The following ANKRD11 variants were observed in gnomAD, a reference collection of about 807,000 sequenced individuals.
The protein encoded by ANKRD11 is ankyrin repeat domain 11.
Under a neutral mutation model 195.7 loss-of-function variants are expected in ANKRD11, and 17 were observed. The observed-to-expected ratio is 0.09, with a 90% CI of 0.06 to 0.13. The LOEUF (loss-of-function observed/expected upper bound fraction) is 0.13, where lower values mean the gene tolerates loss of function less well. ANKRD11 is among the 10% of genes least tolerant of loss of function. The pLI, the probability that ANKRD11 is intolerant of heterozygous loss-of-function variation, is 1.00. For missense variants in ANKRD11, 3,735 were observed against 3,566.1 expected (o/e 1.05, Z -1.21); for synonymous variants, 1,953 against 1,528.1 (o/e 1.28, Z -6.49).
chr16:89,338,412 C>G (rs2038484664), intron 2 of ANKRD11, among the ~76,000 whole-genome samples: 2 of 132,680 alleles, frequency 1.5e-5, no homozygotes, highest in South Asian at 4.9e-4. Flanking sequence ...CTGTACTTAA[C>G]ATACACTCTG....
intron 2 of ANKRD11, among the ~76,000 whole-genome samples, chr16:89,410,722 T>A (rs1200673025): frequency 6.6e-6 from 1 of 152,262 alleles, no homozygotes; most frequent in Non-Finnish European, 1.5e-5. Context: ...CCAAAAGCTA[T>A]GAAAGCATCC....
At position 89,373,732 on chromosome 16, in the gene ANKRD11, C is replaced by T. The variant is rs544492894; in HGVS notation, c.-60+44552G>A. Among the ~76,000 whole-genome samples the T allele has an allele frequency of 4.5e-4, 69 of 152,350 alleles. 2 individuals are homozygous for T. Among genetic ancestry groups the T allele is most frequent in the Admixed American group, 4.5e-3 (69 of 15,304 alleles). On this transcript the variant is annotated intron_variant, in intron 2 of 12. Coordinates refer to ENST00000301030, the MANE Select transcript of ANKRD11 (RefSeq NM_013275.6). ...TGCAGACACAACCCCACGCGGGAGG[C>T]ATGCACACGACACCCCTCCCACACC...
At chr16:89,480,926 G>T (rs2057424794) in intron 1 of ANKRD11, among the ~76,000 whole-genome samples, 1 of 152,096 alleles carries the variant, frequency 6.6e-6, no homozygotes, top group Admixed American at 6.6e-5. Context: ...TCTCCCTCCA[G>T]AATGTGGGCA....
Position 89,441,611 on chromosome 16 carries a change from C to CA in ANKRD11, c.-144-23244dup, listed in dbSNP as rs1207069880. On this transcript the variant is annotated intron_variant, in intron 1 of 12. Coordinates refer to ENST00000301030, the MANE Select transcript of ANKRD11 (RefSeq NM_013275.6). The stretch of plus-strand genomic sequence containing the variant: ...TAAAACCCCACCTCTACTAAAAATA[C>CA]AAAAAATTAGCTGGGTGTGGTGGTG... Among the ~76,000 whole-genome samples the CA allele has an allele frequency of 1.2e-4, 18 of 150,924 alleles. No individual in the cohort carries two copies. The East Asian group carries it at 1.6e-3, about 13-fold the overall frequency.
chr16:89,316,538 T>C (rs529222082), intron 3 of ANKRD11, among the ~76,000 whole-genome samples: 2 of 152,286 alleles, frequency 1.3e-5, no homozygotes, highest in South Asian at 4.2e-4. Context: ...CATTTTCCTA[T>C]TCACATTTAG....
rs1314504176 is a variant in ANKRD11, at chr16:89,334,172, A to G, written c.-59-17094T>C. On this transcript the variant is annotated intron_variant, in intron 2 of 12. Transcript: ENST00000301030. ...AAAAAAAAAAAAAAAAAAAAAAAAA[A>G]ACAGAGAGAGAGAGAAAGAAAGAAA... 5.4e-3 allele frequency among the ~76,000 whole-genome samples: 809 copies of G among 149,052 alleles called. 13 individuals carry two copies. Among genetic ancestry groups the G allele is most frequent in the African/African-American group, 0.019 (774 of 39,842 alleles).
rs1237442734 is a variant in ANKRD11 at position 89,268,082 on chromosome 16, TG to T, written c.*395del. ...GGTGGACACCTTAATTTTCTTTAGT[TG>T]ATCAGAATGGAACAAAAAATTTTAA... is the stretch of plus-strand genomic sequence containing the variant. On this transcript the variant is annotated 3_prime_UTR_variant, in exon 13 of 13. Coordinates refer to ENST00000301030, the MANE Select transcript of ANKRD11 (RefSeq NM_013275.6). 6.9e-6 allele frequency: 1 copy of T among 144,676 alleles called. No individual in the cohort carries two copies. The highest frequency in any genetic ancestry group is 1.4e-5 in the Non-Finnish European group (1 of 70,614). 9.0% of individuals were successfully genotyped at this position (144,676 alleles called of 1,614,324 possible). A position where few individuals can be genotyped will look rare whatever the true frequency, so the allele number is the denominator to read the frequency against.
In ANKRD11 at chr16:89,284,036, C is replaced by T. The variant is rs1160170926; in HGVS notation, c.2506G>A (p.Asp836Asn). 9.3e-6 allele frequency: 15 copies of T among 1,613,996 alleles called. No homozygotes were observed. Among genetic ancestry groups the T allele is most frequent in the African/African-American group, 2.7e-5 (2 of 74,904 alleles). Reference protein sequence around the residue: ...NEDTKFSLSDDQRDRWFSDLS... With the variant: ...NEDTKFSLSDNQRDRWFSDLS... ...TCAGAAAACCACCGATCTCGCTGAT[C>T]GTCAGAAAGGCTAAATTTGGTGTCT... is the stretch of plus-strand genomic sequence containing the variant. Residue 836 changes from aspartate to asparagine, a missense_variant, in exon 9 of 13, where the codon GAT becomes AAT. Transcript: ENST00000301030.
At chr16:89,408,568 C>T (rs1216462911) in intron 2 of ANKRD11, among the ~76,000 whole-genome samples, 1 of 152,164 alleles carries the variant, frequency 6.6e-6, no homozygotes, top group Non-Finnish European at 1.5e-5. Flanking sequence ...GGCTGACGAG[C>T]GTGAGCACTG....
At chr16:89,447,085 G>A (rs777216473) in intron 1 of ANKRD11, among the ~76,000 whole-genome samples, 104 of 151,902 alleles carry the variant, frequency 6.8e-4, no homozygotes, top group African/African-American at 4.6e-4. Context: ...GAAAGCCACC[G>A]AGCACGTGAC....
At chr16:89,464,822 C>T (rs983590223) in intron 1 of ANKRD11, among the ~76,000 whole-genome samples, 42 of 152,094 alleles carry the variant, frequency 2.8e-4, no homozygotes, top group Admixed American at 2.5e-3. Flanking sequence ...TCAAACTCTA[C>T]AGAAAGTCAG....
rs142576506 is a variant in ANKRD11, at chr16:89,313,487, A to C, written c.87+3446T>G. 3.4e-4 allele frequency: 434 copies of C among 1,289,226 alleles called. 2 individuals carry two copies. In the Middle Eastern group the frequency reaches 4.1e-3, roughly 12 times the overall value. The allele number at this position is 1,289,226 out of a possible 1,614,324, so 79.9% of individuals were successfully genotyped here. The stretch of plus-strand genomic sequence containing the variant: ...CTGGTGCAGCCAAAGGGACACGCAC[A>C]AGCCGTCAGGTCAGCGCGGCATCAG... On this transcript the variant is annotated intron_variant, in intron 3 of 12. Coordinates refer to ENST00000301030, the MANE Select transcript of ANKRD11 (RefSeq NM_013275.6).
intron 1 of ANKRD11, among the ~76,000 whole-genome samples, chr16:89,441,502 TC>T (rs1567810100): frequency 6.6e-6 from 1 of 151,792 alleles, no homozygotes; most frequent in African/African-American, 2.4e-5. Context: ...GCGCGGTGGC[TC>T]ACGCCTGTAA....
intron 7 of ANKRD11, chr16:89,286,584 G>C: frequency 9.7e-7 from 1 of 1,026,104 alleles, no homozygotes; most frequent in Non-Finnish European, 1.3e-6. Flanking sequence ...TGGTCGTGGA[G>C]GGCTCAGGCA....
At chr16:89,290,912 C>A (rs2035019120) in intron 5 of ANKRD11, 84 bp from the exon 6 acceptor site, 3 of 1,608,982 alleles carry the variant, frequency 1.9e-6, no homozygotes, top group Admixed American at 3.3e-5. Context: ...GCCACCATCA[C>A]GAGGTCCCTT....
At chr16:89,442,343 G>A (rs2043549646) in intron 1 of ANKRD11, among the ~76,000 whole-genome samples, 1 of 152,186 alleles carries the variant, frequency 6.6e-6, no homozygotes, top group Non-Finnish European at 1.5e-5. Context: ...ATGTGATGGA[G>A]GGATGCAGTA....
chr16:89,331,815 A>G (rs1224338595), intron 2 of ANKRD11, among the ~76,000 whole-genome samples: 1 of 152,188 alleles, frequency 6.6e-6, no homozygotes, highest in African/African-American at 2.4e-5. Context: ...CATTTAGTCT[A>G]AGATACGGTG....
At position 89,281,634 on chromosome 16, in the gene ANKRD11, G is replaced by C. The variant is rs758283954; in HGVS notation, c.4908C>G (p.Asp1636Glu). The C allele has an allele frequency of 1.9e-6, 3 of 1,614,194 alleles. No individual in the cohort carries two copies. The highest frequency in any genetic ancestry group is 2.5e-6 in the Non-Finnish European group (3 of 1,180,024). ...GCCCCGGCGGTTTCTTAGCAGGAAT[G>C]TCCAGACCCTTCTTCCGCCCGTCGT... The part of the protein sequence containing the change: ...PADDGRKKGL[D>E]IPAKKPPGLD... The change falls in exon 9 of 13, where the codon GAC becomes GAG. Residue 1636 changes from aspartate to glutamate, a missense_variant. Physicochemically the swap from Asp to Glu is conservative, Grantham distance 45 (BLOSUM62 2). Transcript: ENST00000301030. This position sits in a 1 kb window ranked among gnomAD's most constrained non-coding sequence, Gnocchi z 5.5.
intron 2 of ANKRD11, among the ~76,000 whole-genome samples, chr16:89,343,243 T>A (rs1029964791): frequency 6.6e-6 from 1 of 152,142 alleles, no homozygotes; most frequent in Non-Finnish European, 1.5e-5. Flanking sequence ...TCCACCCAGC[T>A]CGGCCTCCCG....
Sources: gnomAD v4.1 joint callset for allele counts (sites outside exome capture counted in the v4.1 genomes callset) on GRCh38, gnomAD v4.1.1 for gene constraint, Gnocchi (gnomAD v3.1) non-coding constraint, MANE v1.5 for transcripts, NCBI Gene and HGNC (gene_info 2026-07-23, HGNC 2026-07-21) for gene names.